ADAMTS17: variants seen among roughly 807,000 people sequenced by gnomAD.
ADAMTS17 encodes A disintegrin and metalloproteinase with thrombospondin motifs 17.
Under a neutral mutation model 141.5 loss-of-function variants are expected in ADAMTS17, and 113 were observed. The observed-to-expected ratio is 0.80, with a 90% confidence interval of 0.69 to 0.93. ADAMTS17 has a LOEUF of 0.93. ADAMTS17 is among the 40% of genes least tolerant of loss of function. ADAMTS17 has a pLI of 0.00. For missense variants in ADAMTS17, 1,659 were observed against 1,517.9 expected (o/e 1.09, Z -1.54); for synonymous variants, 768 against 630.6 (o/e 1.22, Z -3.27).
intron 3 of ADAMTS17, among the ~76,000 whole-genome samples, chr15:100,326,532 T>A (rs778795467): frequency 3.3e-5 from 5 of 152,190 alleles, no homozygotes; most frequent in Non-Finnish European, 5.9e-5. Context: ...AGCCAATTGT[T>A]AACTGTGTGG....
chr15:99,996,810 C>A (rs770633186), intron 19 of ADAMTS17, among the ~76,000 whole-genome samples: 1 of 151,970 alleles, frequency 6.6e-6, no homozygotes, highest in South Asian at 2.1e-4. Context: ...CAGTCAAAAT[C>A]ATTAACACAA....
intron 7 of ADAMTS17, among the ~76,000 whole-genome samples, chr15:100,228,644 C>T (rs2042382684): frequency 6.6e-6 from 1 of 152,202 alleles, no homozygotes; most frequent in Admixed American, 6.5e-5. Context: ...CAGACACAGG[C>T]AGGTGAGGGC....
At chr15:100,207,726 T>C (rs568630427) in intron 7 of ADAMTS17, among the ~76,000 whole-genome samples, 1 of 152,292 alleles carries the variant, frequency 6.6e-6, no homozygotes, top group Non-Finnish European at 1.5e-5. Context: ...GGCAGAGAAG[T>C]GCCATCCCTC....
rs1205121561 is a variant in ADAMTS17, at chr15:100,070,905, A to G, written c.2138-16851T>C. Among the ~76,000 whole-genome samples, 3 of 150,198 alleles carry G rather than the reference A, an allele frequency of 2.0e-5. No homozygotes were observed. In the East Asian group the frequency reaches 5.8e-4, roughly 29 times the overall value. ...AATAACTAAGATCAGAGCAGAACTG[A>G]AGGAAATAGAGACACAAAAAACCCT... On this transcript the variant is annotated intron_variant, in intron 15 of 21. Transcript: ENST00000268070.
intron 2 of ADAMTS17, among the ~76,000 whole-genome samples, chr15:100,340,444 G>C (rs557975289): frequency 6.6e-6 from 1 of 152,180 alleles, no homozygotes; most frequent in Non-Finnish European, 1.5e-5. Flanking sequence ...CCTACTAATA[G>C]TATAAGGAAG....
chr15:100,047,636 A>G (rs2031812499), intron 18 of ADAMTS17, among the ~76,000 whole-genome samples: 1 of 152,104 alleles, frequency 6.6e-6, no homozygotes, highest in South Asian at 2.1e-4. Context: ...TTTTTGCTCA[A>G]TCATGCCCTT....
At chr15:100,298,149 G>A (rs2044889968) in intron 3 of ADAMTS17, among the ~76,000 whole-genome samples, 1 of 152,170 alleles carries the variant, frequency 6.6e-6, no homozygotes. Context: ...CTTTGGAGAA[G>A]TCTGGGGAGG....
chr15:100,233,431 C>G (rs2042553224), intron 7 of ADAMTS17, among the ~76,000 whole-genome samples: 2 of 152,098 alleles, frequency 1.3e-5, no homozygotes, highest in South Asian at 2.1e-4. Context: ...TGGAAATTCC[C>G]TAGCACTGTG....
At chr15:100,150,151 A>C (rs1366986446) in intron 10 of ADAMTS17, among the ~76,000 whole-genome samples, 1 of 152,226 alleles carries the variant, frequency 6.6e-6, no homozygotes, top group East Asian at 1.9e-4. Context: ...CTTCAATGTA[A>C]AAGGCACGTG....
At chr15:100,209,602 TAA>T (rs11316509) in intron 7 of ADAMTS17, among the ~76,000 whole-genome samples, 85 of 144,322 alleles carry the variant, frequency 5.9e-4, no homozygotes, top group Admixed American at 1.1e-3. Flanking sequence ...TACATTTTAT[TAA>T]AAAAAAAAAA....
In ADAMTS17 at chr15:100,006,647, G is replaced by T. The variant is rs2573664; in HGVS notation, c.2592-9058C>A. On this transcript the variant is annotated intron_variant, in intron 18 of 21. Coordinates refer to ENST00000268070, the MANE Select transcript of ADAMTS17 (RefSeq NM_139057.4). ...TCTGGGCTAACAAGTGGTTTGTCCA[G>T]GGGTCCAGTGTTAACTTTGTGCCTC... is the stretch of plus-strand genomic sequence containing the variant. Among the ~76,000 whole-genome samples the T allele has an allele frequency of 9.2e-3, 1,404 of 152,336 alleles. 25 individuals carry two copies. Among genetic ancestry groups the T allele is most frequent in the African/African-American group, 0.032 (1,344 of 41,570 alleles).
chr15:100,253,924 A>G (rs78564486), intron 7 of ADAMTS17, among the ~76,000 whole-genome samples: 67 of 152,184 alleles, frequency 4.4e-4, no homozygotes, highest in African/African-American at 1.6e-3. Flanking sequence ...AGCTTCCTTA[A>G]TGACCCTTCA....
At chr15:100,150,338 T>A (rs1186819617) in intron 10 of ADAMTS17, among the ~76,000 whole-genome samples, 1 of 152,196 alleles carries the variant, frequency 6.6e-6, no homozygotes, top group Non-Finnish European at 1.5e-5. Flanking sequence ...TATCTTTGAA[T>A]GACAGTAGCT....
chr15:100,249,146 C>G (rs2043075487), intron 7 of ADAMTS17, among the ~76,000 whole-genome samples: 1 of 152,152 alleles, frequency 6.6e-6, no homozygotes, highest in South Asian at 2.1e-4. Context: ...TCACTCAAAT[C>G]CACCCAGTAC....
At chr15:100,289,381 A>T (rs2044552322) in intron 3 of ADAMTS17, among the ~76,000 whole-genome samples, 2 of 152,180 alleles carry the variant, frequency 1.3e-5, no homozygotes, top group Admixed American at 1.3e-4. Flanking sequence ...GACCAGACAG[A>T]TTCACAGCCA....
intron 4 of ADAMTS17, among the ~76,000 whole-genome samples, chr15:100,278,460 G>T (rs1461427761): frequency 6.6e-6 from 1 of 152,194 alleles, no homozygotes; most frequent in East Asian, 1.9e-4. Context: ...CTGAGGCCAC[G>T]TCGGAAAGCA....
intron 7 of ADAMTS17, among the ~76,000 whole-genome samples, chr15:100,248,099 A>G (rs1432255352): frequency 6.6e-6 from 1 of 152,038 alleles, no homozygotes; most frequent in East Asian, 1.9e-4. Flanking sequence ...CCAGACTCCA[A>G]GCTCCTCCAC....
At chr15:100,142,335 C>G (rs1596543983) in intron 10 of ADAMTS17, among the ~76,000 whole-genome samples, 1 of 152,130 alleles carries the variant, frequency 6.6e-6, no homozygotes, top group African/African-American at 2.4e-5. Context: ...GGTAGAGGTA[C>G]TGGACACGGG....
chr15:100,124,115 C>A lies in ADAMTS17; in HGVS notation c.1722-7102G>T, dbSNP rs548804936. ...AGTAGCTAAGATTACAGGTGTGCGC[C>A]ACCATGCCCGGCTAATTTTTTTGTA... On this transcript the variant is annotated intron_variant, in intron 12 of 21. Transcript: ENST00000268070. Among the ~76,000 whole-genome samples the A allele has an allele frequency of 9.9e-5, 15 of 152,084 alleles. No homozygotes were observed. The South Asian group carries it at 3.1e-3, about 32-fold the overall frequency.
Sources: gnomAD v4.1 joint callset for allele counts (sites outside exome capture counted in the v4.1 genomes callset) on GRCh38, gnomAD v4.1.1 for gene constraint, MANE v1.5 for transcripts, NCBI Gene and HGNC (gene_info 2026-07-23, HGNC 2026-07-21) for gene names.